Variants in VAV3 observed in about 807,000 individuals in gnomAD.
VAV3 encodes the protein vav guanine nucleotide exchange factor 3.
VAV3 carries 94 observed loss-of-function variants against 131.2 expected under a neutral mutation model. The ratio of observed to expected loss-of-function variants is 0.72; its 90% CI spans 0.61 to 0.85. The LOEUF (loss-of-function observed/expected upper bound fraction) is 0.85, where lower values mean the gene tolerates loss of function less well. Ranked by LOEUF, VAV3 falls within the 40% of genes least tolerant of loss-of-function variation. VAV3 has a pLI of 0.00. For synonymous variants in VAV3, 349 were observed against 342.0 expected, an observed-to-expected ratio of 1.02 and a Z score of -0.22; for missense variants, 939 against 1,002.7, an observed-to-expected ratio of 0.94 and a Z score of 0.86.
At position 107,642,641 on chromosome 1, in the gene VAV3, T is replaced by A; in HGVS notation, c.1892A>T (p.Asp631Val). 1 of 1,613,152 alleles carries A rather than the reference T, an allele frequency of 6.2e-7. No individual in the cohort carries two copies. The highest frequency in any genetic ancestry group is 8.5e-7 in the Non-Finnish European group (1 of 1,179,500). The part of the protein sequence containing the change: ...AGDTVELLKG[D>V]AHSLFWQGRN... The stretch of plus-strand genomic sequence containing the variant: ...TACCTGCCAAAACAGACTGTGTGCA[T>A]CTCCTTTCAGAAGTTCAACGGTATC... The change falls in exon 20 of 27, where the codon GAT (aspartate) becomes GTT (valine). Residue 631 changes from aspartate (D) to valine (V), a missense_variant. Asp to Val is a radical substitution (Grantham distance 152). Transcript: ENST00000370056.
At chr1:107,744,540 T>C (rs982198541) in intron 15 of VAV3, among the ~76,000 whole-genome samples, 1 of 152,252 alleles carries the variant, frequency 6.6e-6, no homozygotes, top group Admixed American at 6.5e-5. Flanking sequence ...ATGTGATGCT[T>C]ATGGTATGCC....
chr1:107,842,394 C>A (rs75292044), intron 2 of VAV3, among the ~76,000 whole-genome samples: 5,488 of 152,246 alleles, frequency 0.036, 224 homozygotes, highest in African/African-American at 0.099. Flanking sequence ...CAGTCCTTCC[C>A]ACTGATTTTT....
At chr1:107,605,025 T>G (rs1652160825) in intron 22 of VAV3, among the ~76,000 whole-genome samples, 2 of 152,140 alleles carry the variant, frequency 1.3e-5, no homozygotes. Context: ...TTCTGTAACC[T>G]CTACAAAGCC....
intron 1 of VAV3, among the ~76,000 whole-genome samples, chr1:107,902,046 AAAAAAAAAC>A (rs1407134167): frequency 6.6e-6 from 1 of 152,006 alleles, no homozygotes; most frequent in Non-Finnish European, 1.5e-5. Context: ...TCCATCTCAA[AAAAAAAAAC>A]AAAAAAAACA....
At chr1:107,866,884 G>GAACA (rs1670013739) in intron 2 of VAV3, among the ~76,000 whole-genome samples, 1 of 145,022 alleles carries the variant, frequency 6.9e-6, no homozygotes, top group Admixed American at 6.9e-5. Context: ...CTGGCAGGGT[G>GAACA]AACAAAACAA....
intron 1 of VAV3, among the ~76,000 whole-genome samples, chr1:107,895,139 T>C (rs1315438803): frequency 6.6e-6 from 1 of 151,256 alleles, no homozygotes; most frequent in Non-Finnish European, 1.5e-5. Context: ...AAAAGAGCTA[T>C]GGGAAGCAGG....
intron 1 of VAV3, among the ~76,000 whole-genome samples, chr1:107,939,656 T>A (rs1673892308): frequency 6.6e-6 from 1 of 152,206 alleles, no homozygotes; most frequent in South Asian, 2.1e-4. Context: ...CCCATCTAAG[T>A]CATGGAGCAT....
chr1:107,784,692 C>T (rs992348733), intron 2 of VAV3, among the ~76,000 whole-genome samples: 1 of 152,224 alleles, frequency 6.6e-6, no homozygotes, highest in Non-Finnish European at 1.5e-5. Context: ...TGATTCTTCA[C>T]TGTTGTATTT....
chr1:107,858,927 T>C (rs1005385976), intron 2 of VAV3, among the ~76,000 whole-genome samples: 2 of 152,194 alleles, frequency 1.3e-5, no homozygotes, highest in African/African-American at 4.8e-5. Context: ...TCTAACATTT[T>C]TGACAAAGTG....
In VAV3 at chr1:107,772,733, AC is replaced by A; in HGVS notation, c.555+1del. ...AACTTTAAAAACAAGTAAAAGTCCT[AC>A]GGGCTGATGTGCTTCCTCTGCCTTC... On this transcript the variant is annotated splice_donor_variant, in intron 5 of 26. Coordinates refer to ENST00000370056, the MANE Select transcript of VAV3 (RefSeq NM_006113.5). LOFTEE classifies it high-confidence loss of function. The A allele has an allele frequency of 6.2e-7, 1 of 1,609,748 alleles. No homozygotes were observed. The highest frequency in any genetic ancestry group is 8.5e-7 in the Non-Finnish European group (1 of 1,177,698).
chr1:107,766,421 C>CT, intron 8 of VAV3, 26 bp downstream of exon 8: 1 of 1,511,186 alleles, frequency 6.6e-7, no homozygotes, highest in East Asian at 2.3e-5. Flanking sequence ...AGCTAAGACC[C>CT]ACAAAACTTA....
At chr1:107,616,132 A>G (rs1369327299) in intron 21 of VAV3, among the ~76,000 whole-genome samples, 2 of 152,190 alleles carry the variant, frequency 1.3e-5, no homozygotes, top group Admixed American at 6.5e-5. Context: ...ATTGTTCTAC[A>G]AATAAAGGTA....
intron 1 of VAV3, among the ~76,000 whole-genome samples, chr1:107,952,366 C>T (rs987789501): frequency 2.0e-5 from 3 of 151,116 alleles, no homozygotes; most frequent in African/African-American, 7.3e-5. Flanking sequence ...GGGTACTAGG[C>T]TTAATACCTG....
intron 20 of VAV3, among the ~76,000 whole-genome samples, chr1:107,625,848 G>A (rs774696596): frequency 8.5e-5 from 13 of 152,066 alleles, no homozygotes; most frequent in East Asian, 3.9e-4. Context: ...CAATAATCAC[G>A]TCAGATGGAA....
intron 25 of VAV3, 50 bp from the exon 26 acceptor site, chr1:107,574,248 C>T (rs755653077): frequency 1.3e-6 from 2 of 1,590,020 alleles, no homozygotes; most frequent in African/African-American, 2.7e-5. Context: ...TCGTTAACAA[C>T]CATAACAACC....
intron 6 of VAV3, among the ~76,000 whole-genome samples, chr1:107,769,813 T>C (rs996674040): frequency 1.1e-4 from 17 of 152,214 alleles, no homozygotes; most frequent in Non-Finnish European, 1.8e-4. Flanking sequence ...TCTCTTTTTT[T>C]CACATCCTTT....
At chr1:107,847,733 C>T (rs1669036321) in intron 2 of VAV3, among the ~76,000 whole-genome samples, 1 of 152,106 alleles carries the variant, frequency 6.6e-6, no homozygotes, top group Non-Finnish European at 1.5e-5. Context: ...TAATTCAAAT[C>T]CCTGCATAGA....
At chr1:107,655,246 A>T (rs1240654189) in intron 19 of VAV3, among the ~76,000 whole-genome samples, 1 of 152,164 alleles carries the variant, frequency 6.6e-6, no homozygotes, top group Non-Finnish European at 1.5e-5. Flanking sequence ...ATAGTAGCCA[A>T]ATCAGCATGG....
chr1:107,744,474 ATTT>A (rs1663212269), intron 15 of VAV3, among the ~76,000 whole-genome samples: 1 of 152,150 alleles, frequency 6.6e-6, no homozygotes, highest in Non-Finnish European at 1.5e-5. Context: ...AGGACCTTTC[ATTT>A]CCCTTCAAAA....
Sources: gnomAD v4.1 joint callset for allele counts (sites outside exome capture counted in the v4.1 genomes callset) on GRCh38, gnomAD v4.1.1 for gene constraint, MANE v1.5 for transcripts, NCBI Gene and HGNC (gene_info 2026-07-23, HGNC 2026-07-21) for gene names.